Variants in MGAT4C observed in about 807,000 individuals in gnomAD.
MGAT4C encodes MGAT4 family member C.
MGAT4C carries 19 observed loss-of-function variants against 40.1 expected under a neutral mutation model. The observed-to-expected ratio is 0.47, with a 90% CI of 0.33 to 0.70. The LOEUF (loss-of-function observed/expected upper bound fraction) is 0.70, where lower values mean the gene tolerates loss of function less well. MGAT4C is among the 30% of genes least tolerant of loss of function. MGAT4C has a pLI of 0.02. For synonymous variants in MGAT4C, 181 were observed against 187.1 expected (o/e 0.97, Z 0.27); for missense variants, 491 against 563.2 (o/e 0.87, Z 1.30).
At chr12:86,464,419 A>G (rs1957647876) in intron 2 of MGAT4C, among the ~76,000 whole-genome samples, 1 of 152,202 alleles carries the variant, frequency 6.6e-6, no homozygotes. Flanking sequence ...ATCACTGGAT[A>G]TGGAAGTCAT....
At chr12:86,834,129 T>C (rs1405582743) in intron 1 of MGAT4C, among the ~76,000 whole-genome samples, 3 of 151,652 alleles carry the variant, frequency 2.0e-5, no homozygotes, top group African/African-American at 7.3e-5. Context: ...TATCTATCTC[T>C]ATCTGTCTAT....
intron 1 of MGAT4C, among the ~76,000 whole-genome samples, chr12:86,780,739 T>C (rs568122513): frequency 2.0e-5 from 3 of 152,284 alleles, no homozygotes; most frequent in Non-Finnish European, 2.9e-5. Context: ...ACATGGGCTT[T>C]TAGTGTAAAC....
At chr12:86,424,858 G>C (rs1052341298) in intron 3 of MGAT4C, among the ~76,000 whole-genome samples, 2 of 152,158 alleles carry the variant, frequency 1.3e-5, no homozygotes, top group African/African-American at 4.8e-5. Context: ...CAGGGTTCAA[G>C]CAATTCTTCT....
intron 1 of MGAT4C, among the ~76,000 whole-genome samples, chr12:86,086,740 T>C (rs902433004): frequency 6.6e-6 from 1 of 152,092 alleles, no homozygotes; most frequent in Admixed American, 6.6e-5. Flanking sequence ...ATAGTCACTT[T>C]AATGTGCTAC....
chr12:86,506,259 C>T (rs1423791341), intron 2 of MGAT4C, among the ~76,000 whole-genome samples: 1 of 152,180 alleles, frequency 6.6e-6, no homozygotes, highest in Non-Finnish European at 1.5e-5. Flanking sequence ...CTGTCAAGTG[C>T]TATCCCCAGC....
chr12:86,514,433 T>A (rs1958648508), intron 2 of MGAT4C, among the ~76,000 whole-genome samples: 1 of 152,164 alleles, frequency 6.6e-6, no homozygotes, highest in Non-Finnish European at 1.5e-5. Context: ...TTGGCTAAAA[T>A]CAAGGTGTCA....
intron 1 of MGAT4C, among the ~76,000 whole-genome samples, chr12:86,249,748 C>CT (rs1406679318): frequency 6.6e-6 from 1 of 152,104 alleles, no homozygotes; most frequent in Non-Finnish European, 1.5e-5. Flanking sequence ...CTCATTTTGA[C>CT]TTTGTTCTTA....
intron 2 of MGAT4C, among the ~76,000 whole-genome samples, chr12:86,456,714 G>A (rs1957516254): frequency 6.6e-6 from 1 of 151,996 alleles, no homozygotes; most frequent in Non-Finnish European, 1.5e-5. Flanking sequence ...TGAAAAGGGG[G>A]CAAATTTATC....
intron 4 of MGAT4C, among the ~76,000 whole-genome samples, chr12:86,281,466 T>C (rs1225004806): frequency 6.6e-6 from 1 of 150,394 alleles, no homozygotes; most frequent in Non-Finnish European, 1.5e-5. Flanking sequence ...ATATGTATCT[T>C]CAAAATGTAT....
rs570268117 is a variant in MGAT4C at position 86,320,006 on chromosome 12, T to C, written c.-57+14059A>G. On this transcript the variant is annotated intron_variant, in intron 4 of 7. Coordinates refer to the MGAT4C transcript ENST00000548651. ...AGAACCAGTTCCGTGGTTCTTATTGTTTTTCTTTTGGAATACTGTAAACTT... is the reference window on the plus strand; with the variant it reads ...AGAACCAGTTCCGTGGTTCTTATTGCTTTTCTTTTGGAATACTGTAAACTT... Among the ~76,000 whole-genome samples the C allele has an allele frequency of 2.8e-4, 42 of 152,240 alleles. No homozygotes were observed. In the South Asian group the frequency reaches 3.5e-3, roughly 13 times the overall value.
intron 1 of MGAT4C, among the ~76,000 whole-genome samples, chr12:86,091,109 C>G (rs1872798793): frequency 6.6e-6 from 1 of 151,636 alleles, no homozygotes; most frequent in Non-Finnish European, 1.5e-5. Flanking sequence ...GTTGAACTGC[C>G]CACACAAGAA....
chr12:86,809,819 T>G (rs1952436907), intron 1 of MGAT4C, among the ~76,000 whole-genome samples: 1 of 152,182 alleles, frequency 6.6e-6, no homozygotes, highest in Middle Eastern at 3.4e-3. Flanking sequence ...GGTGTTAATC[T>G]TTTTATTTTC....
intron 1 of MGAT4C, among the ~76,000 whole-genome samples, chr12:86,175,814 A>T (rs1418961772): frequency 1.3e-5 from 2 of 150,998 alleles, no homozygotes; most frequent in East Asian, 2.0e-4. Flanking sequence ...AAAAAAAAAA[A>T]AAAAAAATTA....
intron 4 of MGAT4C, among the ~76,000 whole-genome samples, chr12:86,272,731 G>A (rs1266777776): frequency 6.6e-6 from 1 of 151,900 alleles, no homozygotes; most frequent in Admixed American, 6.6e-5. Flanking sequence ...ATGTACCTGT[G>A]ATCCCAGCTA....
At chr12:86,796,441 T>C (rs756694025) in intron 1 of MGAT4C, among the ~76,000 whole-genome samples, 1 of 151,994 alleles carries the variant, frequency 6.6e-6, no homozygotes, top group Non-Finnish European at 1.5e-5. Context: ...GAGGACATTA[T>C]GTTAAGTGAA....
intron 2 of MGAT4C, among the ~76,000 whole-genome samples, chr12:86,561,269 C>T (rs775698807): frequency 6.6e-6 from 1 of 152,098 alleles, no homozygotes; most frequent in South Asian, 2.1e-4. Context: ...ACCCTGTGAT[C>T]GTTAATACTG....
chr12:86,071,835 T>G (rs1014402472), intron 1 of MGAT4C, among the ~76,000 whole-genome samples: 3 of 152,166 alleles, frequency 2.0e-5, no homozygotes, highest in African/African-American at 7.2e-5. Context: ...TCTGTCTTCA[T>G]GATCAGTGTT....
chr12:86,080,510 C>G (rs1385453489), intron 1 of MGAT4C, among the ~76,000 whole-genome samples: 1 of 152,052 alleles, frequency 6.6e-6, no homozygotes. Flanking sequence ...ATAGCAACAA[C>G]AGAAGGAACA....
At position 86,502,443 on chromosome 12, in the gene MGAT4C, G is replaced by A. The variant is rs1379021570; in HGVS notation, c.-228-67178C>T. The stretch of plus-strand genomic sequence containing the variant: ...AATGGCAGATACATAACATTATACA[G>A]TTGTCAAAATCCATAGAGCTGCACA... On this transcript the variant is annotated intron_variant, in intron 2 of 7. Transcript: ENST00000548651. Among the ~76,000 whole-genome samples the A allele has an allele frequency of 3.3e-5, 5 of 151,922 alleles. No homozygotes were observed. In the East Asian group the frequency reaches 5.8e-4, roughly 18 times the overall value.
Sources: allele counts gnomAD v4.1 joint callset (sites outside exome capture counted in the v4.1 genomes callset), GRCh38; gene constraint gnomAD v4.1.1; transcripts MANE v1.5; gene names NCBI Gene and HGNC (gene_info 2026-07-23, HGNC 2026-07-21).